Variants in SPAG16 observed in about 807,000 individuals in gnomAD.
The protein encoded by SPAG16 is sperm associated antigen 16, also known as sperm-associated antigen 16 protein.
In SPAG16, 86 loss-of-function variants were observed where a neutral mutation model predicts 80.4. That is an observed-to-expected ratio of 1.07 (90% confidence interval 0.90 to 1.28). The LOEUF is 1.28. SPAG16 is among the 50% of genes most tolerant of loss of function. SPAG16 has a pLI of 0.00. For missense variants in SPAG16, 870 were observed against 765.3 expected (o/e 1.14, Z -1.61); for synonymous variants, 294 against 265.9 (o/e 1.11, Z -1.03).
intron 12 of SPAG16, among the ~76,000 whole-genome samples, chr2:213,955,672 T>C (rs933034253): frequency 2.0e-5 from 3 of 152,134 alleles, no homozygotes; most frequent in African/African-American, 7.2e-5. Flanking sequence ...ATTTCTGTAT[T>C]ATTAGCTATA....
At chr2:214,207,726 G>T (rs980917278) in intron 15 of SPAG16, among the ~76,000 whole-genome samples, 1 of 152,162 alleles carries the variant, frequency 6.6e-6, no homozygotes. Context: ...CAGGGGATTG[G>T]GAGAAGAAGA....
At chr2:214,325,920 A>G (rs1696443677) in intron 15 of SPAG16, among the ~76,000 whole-genome samples, 1 of 152,196 alleles carries the variant, frequency 6.6e-6, no homozygotes, top group African/African-American at 2.4e-5. Context: ...ACTGCCCTCC[A>G]TGAGCATAGG....
At chr2:214,338,334 T>A (rs1273985100) in intron 15 of SPAG16, among the ~76,000 whole-genome samples, 1 of 151,856 alleles carries the variant, frequency 6.6e-6, no homozygotes. Flanking sequence ...GCCAATATGG[T>A]GAAACCCCGT....
chr2:214,363,992 T>C (rs1283598423), intron 15 of SPAG16, among the ~76,000 whole-genome samples: 1 of 152,112 alleles, frequency 6.6e-6, no homozygotes, highest in East Asian at 1.9e-4. Flanking sequence ...CACAAGTGGC[T>C]CCGTTTTACA....
intron 13 of SPAG16, among the ~76,000 whole-genome samples, chr2:214,048,916 C>G (rs192119159): frequency 6.6e-6 from 1 of 151,948 alleles, no homozygotes; most frequent in Admixed American, 6.6e-5. Context: ...TTTAGACTCC[C>G]TCCCTCCCTC....
chr2:213,622,737 G>C (rs751544493), intron 10 of SPAG16, among the ~76,000 whole-genome samples: 2 of 152,138 alleles, frequency 1.3e-5, no homozygotes, highest in Non-Finnish European at 2.9e-5. Context: ...AAAATCCAGA[G>C]ACTATGCAAA....
intron 10 of SPAG16, among the ~76,000 whole-genome samples, chr2:213,827,923 C>T (rs1477181111): frequency 1.3e-5 from 2 of 151,986 alleles, no homozygotes; most frequent in Non-Finnish European, 2.9e-5. Context: ...TTTTCTCTTG[C>T]TGCTTTTAGG....
intron 11 of SPAG16, among the ~76,000 whole-genome samples, chr2:213,864,478 TCAGAGTC>T (rs2075606959): frequency 6.6e-6 from 1 of 152,132 alleles, no homozygotes; most frequent in Non-Finnish European, 1.5e-5. Context: ...GTTATAGTCT[TCAGAGTC>T]CAGCTCTGGG....
intron 10 of SPAG16, among the ~76,000 whole-genome samples, chr2:213,799,603 T>C (rs1444065094): frequency 1.3e-5 from 2 of 152,144 alleles, no homozygotes; most frequent in Non-Finnish European, 2.9e-5. Flanking sequence ...CTTTGTAGGA[T>C]ACATGTATAA....
intron 10 of SPAG16, among the ~76,000 whole-genome samples, chr2:213,517,461 C>G (rs916437142): frequency 3.3e-5 from 5 of 152,174 alleles, no homozygotes; most frequent in Middle Eastern, 3.4e-3. Context: ...AAAAGCTATC[C>G]TAAAATTCAT....
At chr2:214,301,311 C>A (rs924313517) in intron 15 of SPAG16, among the ~76,000 whole-genome samples, 13 of 148,902 alleles carry the variant, frequency 8.7e-5, no homozygotes, top group African/African-American at 3.2e-4. Context: ...AAAAAAAAAA[C>A]TACCTCAAAA....
chr2:214,018,480 G>GT (rs1207654112), intron 13 of SPAG16, among the ~76,000 whole-genome samples: 5 of 152,038 alleles, frequency 3.3e-5, no homozygotes, highest in Non-Finnish European at 7.4e-5. Flanking sequence ...ATTAGCTAAA[G>GT]TTTTTTTCTA....
At chr2:214,239,533 T>C (rs1475652850) in intron 15 of SPAG16, 1 of 152,230 alleles carries the variant, frequency 6.6e-6, no homozygotes, top group Admixed American at 6.5e-5. Flanking sequence ...TTCAAATTTA[T>C]TTTGAGGAAA....
In SPAG16 at chr2:213,927,790, A is replaced by AACATACCAC. The variant is rs569850378; in HGVS notation, c.1215-2168_1215-2160dup. On this transcript the variant is annotated intron_variant, in intron 11 of 15. Coordinates refer to ENST00000331683, the MANE Select transcript of SPAG16 (RefSeq NM_024532.5). ...AGAGGGTTTTTCAGCCACAGGCAGA[A>AACATACCAC]ACATACCACAATAATTTTTATCCTA... is the stretch of plus-strand genomic sequence containing the variant. Among the ~76,000 whole-genome samples the AACATACCAC allele has an allele frequency of 1.5e-3, 224 of 152,330 alleles. 2 individuals are homozygous for AACATACCAC. The South Asian group carries it at 0.018, about 12-fold the overall frequency.
At chr2:213,712,494 C>T (rs2066043659) in intron 10 of SPAG16, among the ~76,000 whole-genome samples, 1 of 152,152 alleles carries the variant, frequency 6.6e-6, no homozygotes, top group African/African-American at 2.4e-5. Context: ...CCATCTAAGC[C>T]AGACTTGTAA....
chr2:213,359,041 G>C (rs1177206478), intron 7 of SPAG16, among the ~76,000 whole-genome samples: 1 of 152,190 alleles, frequency 6.6e-6, no homozygotes, highest in Non-Finnish European at 1.5e-5. Context: ...GGGGTTTGCT[G>C]GAGGTCCACT....
intron 10 of SPAG16, among the ~76,000 whole-genome samples, chr2:213,564,924 T>G (rs563333358): frequency 5.0e-4 from 76 of 152,332 alleles, no homozygotes; most frequent in Non-Finnish European, 5.9e-4. Flanking sequence ...AGCCTGCACA[T>G]TTAATTACAT....
chr2:213,614,077 G>T (rs1183671115), intron 10 of SPAG16, among the ~76,000 whole-genome samples: 2 of 152,156 alleles, frequency 1.3e-5, no homozygotes, highest in African/African-American at 4.8e-5. Flanking sequence ...TGAATTGAGG[G>T]TATGGTAAAA....
chr2:214,094,090 A>G (rs141344228), intron 13 of SPAG16, among the ~76,000 whole-genome samples: 2 of 152,092 alleles, frequency 1.3e-5, no homozygotes, highest in African/African-American at 2.4e-5. Context: ...CTGATTTGTG[A>G]AAGCAGAATA....
Sources: allele counts gnomAD v4.1 joint callset (sites outside exome capture counted in the v4.1 genomes callset), GRCh38; gene constraint gnomAD v4.1.1; transcripts MANE v1.5; gene names NCBI Gene and HGNC (gene_info 2026-07-23, HGNC 2026-07-21).